Variants in COL22A1 observed in about 807,000 individuals in gnomAD.
COL22A1 encodes the protein collagen alpha-1(XXII) chain.
A neutral mutation model predicts 248.9 loss-of-function variants in COL22A1; 221 were observed. The observed-to-expected ratio is 0.89, with a 90% CI of 0.80 to 0.99. COL22A1 has a LOEUF of 0.99. Among genes scored for constraint, COL22A1 ranks in the 50% least tolerant of loss-of-function variants. The pLI, the probability that COL22A1 is intolerant of heterozygous loss-of-function variation, is 0.00. For missense variants in COL22A1, 2,240 were observed against 2,179.0 expected (o/e 1.03, Z -0.56); for synonymous variants, 891 against 793.4 (o/e 1.12, Z -2.07).
intron 18 of COL22A1, among the ~76,000 whole-genome samples, chr8:138,756,804 T>G (rs1296920736): frequency 1.3e-5 from 2 of 152,110 alleles, no homozygotes; most frequent in Admixed American, 1.3e-4. Flanking sequence ...ACATTTACAA[T>G]GTATCTTCCA....
At chr8:138,707,158 C>A (rs1378259162) in intron 30 of COL22A1, among the ~76,000 whole-genome samples, 1 of 152,202 alleles carries the variant, frequency 6.6e-6, no homozygotes, top group Non-Finnish European at 1.5e-5. Context: ...GCCTACCAAC[C>A]AAAAACAGTC....
At chr8:138,740,773 G>A (rs928723511) in intron 22 of COL22A1, among the ~76,000 whole-genome samples, 3 of 152,160 alleles carry the variant, frequency 2.0e-5, no homozygotes, top group Non-Finnish European at 4.4e-5. Context: ...GTCAGAGCAG[G>A]TCTTTCATGG....
At chr8:138,767,722 T>C (rs1834017718) in intron 16 of COL22A1, among the ~76,000 whole-genome samples, 1 of 152,152 alleles carries the variant, frequency 6.6e-6, no homozygotes. Context: ...GTCTCCATCC[T>C]GGCTGCAAAG....
intron 3 of COL22A1, among the ~76,000 whole-genome samples, chr8:138,850,493 C>T (rs989595223): frequency 7.9e-5 from 12 of 151,934 alleles, no homozygotes; most frequent in Non-Finnish European, 1.0e-4. Context: ...AGATGCGGCA[C>T]GAAGAATGAG....
chr8:138,727,566 A>G (rs1186550281), intron 23 of COL22A1, among the ~76,000 whole-genome samples: 1 of 152,304 alleles, frequency 6.6e-6, no homozygotes, highest in East Asian at 1.9e-4. Flanking sequence ...CTAGAGGGCG[A>G]GAAATACCAA....
chr8:138,831,610 G>A (rs1335943038), intron 5 of COL22A1, among the ~76,000 whole-genome samples: 1 of 152,118 alleles, frequency 6.6e-6, no homozygotes, highest in Non-Finnish European at 1.5e-5. Context: ...CCAGGTAGAG[G>A]AAGAACATGA....
chr8:138,667,383 T>G (rs758189491), intron 41 of COL22A1, among the ~76,000 whole-genome samples: 2 of 152,132 alleles, frequency 1.3e-5, no homozygotes, highest in Non-Finnish European at 2.9e-5. Context: ...ATTGCTAGGT[T>G]TGTGTCAAAG....
At chr8:138,699,636 C>CT (rs5895553) in intron 32 of COL22A1, among the ~76,000 whole-genome samples, 129,492 of 152,102 alleles carry the variant, frequency 0.85, 55,206 homozygotes, top group Non-Finnish European at 0.87. Context: ...CTCTGTCCAT[C>CT]GGCACACCCC....
intron 57 of COL22A1, among the ~76,000 whole-genome samples, 181 bp downstream of exon 57, chr8:138,607,755 T>C (rs960051677): frequency 6.6e-6 from 1 of 152,188 alleles, no homozygotes; most frequent in Non-Finnish European, 1.5e-5. Flanking sequence ...GCATGATATA[T>C]ACTTTAAACC....
chr8:138,659,985 C>G (rs1823635345), intron 44 of COL22A1, among the ~76,000 whole-genome samples: 1 of 152,206 alleles, frequency 6.6e-6, no homozygotes, highest in Non-Finnish European at 1.5e-5. Flanking sequence ...TTTGCTCACC[C>G]CAGATCCACT....
chr8:138,655,208 G>A (rs1313268815), intron 45 of COL22A1, among the ~76,000 whole-genome samples: 1 of 152,076 alleles, frequency 6.6e-6, no homozygotes, highest in Non-Finnish European at 1.5e-5. Flanking sequence ...TTAAATAAGG[G>A]AGGCACATTA....
At chr8:138,611,098 G>A (rs1818823878) in intron 56 of COL22A1, among the ~76,000 whole-genome samples, 1 of 152,152 alleles carries the variant, frequency 6.6e-6, no homozygotes, top group Admixed American at 6.6e-5. Context: ...TCCCTCTTCT[G>A]TGCCTTTGAA....
At chr8:138,637,004 G>A (rs887043035) in intron 47 of COL22A1, among the ~76,000 whole-genome samples, 1 of 152,126 alleles carries the variant, frequency 6.6e-6, no homozygotes, top group Non-Finnish European at 1.5e-5. Flanking sequence ...GGGATTTGGG[G>A]TATGGGGTTG....
rs542960960 is a variant in COL22A1 at position 138,596,978 on chromosome 8, G to T, written c.4366-8C>A. 5.6e-6 allele frequency: 9 copies of T among 1,612,690 alleles called. No individual in the cohort carries two copies. In the South Asian group the frequency reaches 7.7e-5, roughly 14 times the overall value. On this transcript the variant is annotated splice_polypyrimidine_tract_variant and splice_region_variant and intron_variant, in intron 61 of 64. Transcript: ENST00000303045. ...CATGGATGGAGACTCCCCCTAGGAG[G>T]GAGGGAAGGTGGAGTCATTCATCTT...
chr8:138,693,733 A>G, intron 34 of COL22A1, 34 bp from the exon 35 acceptor site: 1 of 1,552,662 alleles, frequency 6.4e-7, no homozygotes, highest in Non-Finnish European at 8.7e-7. Context: ...CGGGGGTAAG[A>G]CACCCTCAGT....
chr8:138,877,756 A>G lies in COL22A1; in HGVS notation c.652T>C (p.Cys218Arg). Residue 218 changes from cysteine to arginine, a missense_variant, in exon 3 of 65, where the codon TGT becomes CGT. Coordinates refer to ENST00000303045, the MANE Select transcript of COL22A1 (RefSeq NM_152888.3). ...KIRGKLRRRL[C>R]ENVLCPSVRV... Reference sequence around the variant, plus strand: ...GGGGCCCGGGCGCACTCACTTTCACAAAGACGGCGCCGCAGCTTGCCCCGG... The same window carrying G: ...GGGGCCCGGGCGCACTCACTTTCACGAAGACGGCGCCGCAGCTTGCCCCGG... 6.3e-7 allele frequency: 1 copy of G among 1,579,972 alleles called. No individual in the cohort carries two copies. The highest frequency in any genetic ancestry group is 8.6e-7 in the Non-Finnish European group (1 of 1,161,154).
In COL22A1 at chr8:138,664,563, A is replaced by G. The variant is rs566733069; in HGVS notation, c.3151-823T>C. Among the ~76,000 whole-genome samples, 6 of 152,114 alleles carry G rather than the reference A, an allele frequency of 3.9e-5. No homozygotes were observed. The East Asian group carries it at 9.8e-4, about 25-fold the overall frequency. ...TCCTCTGGCTTCTCCCAGGGTGCTC[A>G]CTGGATAGTCCCCGCCCCTGTACAC... On this transcript the variant is annotated intron_variant, in intron 41 of 64. Coordinates refer to ENST00000303045, the MANE Select transcript of COL22A1 (RefSeq NM_152888.3).
At chr8:138,754,319 T>G (rs1222518816) in intron 21 of COL22A1, among the ~76,000 whole-genome samples, 1 of 152,200 alleles carries the variant, frequency 6.6e-6, no homozygotes, top group East Asian at 1.9e-4. Flanking sequence ...GAGACATAAG[T>G]TAGATTTTCT....
intron 7 of COL22A1, among the ~76,000 whole-genome samples, chr8:138,818,431 G>A (rs1405593591): frequency 1.3e-5 from 2 of 152,234 alleles, no homozygotes; most frequent in Non-Finnish European, 2.9e-5. Context: ...TGCACACTCT[G>A]AGGGAGATAA....
Sources: allele counts gnomAD v4.1 joint callset (sites outside exome capture counted in the v4.1 genomes callset), GRCh38; gene constraint gnomAD v4.1.1; transcripts MANE v1.5; gene names NCBI Gene and HGNC (gene_info 2026-07-23, HGNC 2026-07-21).